TMCO5A: variants seen among roughly 807,000 people sequenced by gnomAD.
TMCO5A encodes the protein transmembrane and coiled-coil domain-containing protein 5A.
Under a neutral mutation model 42.3 loss-of-function variants are expected in TMCO5A, and 34 were observed. The observed-to-expected ratio is 0.80, with a 90% confidence interval of 0.61 to 1.07. The LOEUF is 1.07. Among genes scored for constraint, TMCO5A ranks in the 50% least tolerant of loss-of-function variants. TMCO5A has a pLI of 0.00. For missense variants in TMCO5A, 357 were observed against 327.9 expected (o/e 1.09, Z -0.69); for synonymous variants, 131 against 115.6 (o/e 1.13, Z -0.86).
chr15:38,014,296 C>T, the TMCO5A span, among the ~76,000 whole-genome samples: 7 of 152,034 alleles, frequency 4.6e-5, no homozygotes, highest in Non-Finnish European at 1.0e-4. Flanking sequence ...GCTTCGTGTA[C>T]ATTTTGTCAT....
the TMCO5A span, among the ~76,000 whole-genome samples, chr15:38,023,141 G>GTAAACAA: frequency 6.6e-6 from 1 of 152,258 alleles, no homozygotes; most frequent in East Asian, 1.9e-4. Context: ...TACATCTCAA[G>GTAAACAA]CTTTACAACA....
the TMCO5A span, among the ~76,000 whole-genome samples, chr15:38,031,607 T>C: frequency 6.6e-6 from 1 of 152,136 alleles, no homozygotes; most frequent in Non-Finnish European, 1.5e-5. Context: ...CCAACAGTCA[T>C]ACACCGGCAC....
the TMCO5A span, among the ~76,000 whole-genome samples, chr15:37,976,592 T>A: frequency 6.6e-6 from 1 of 152,090 alleles, no homozygotes; most frequent in African/African-American, 2.4e-5. Flanking sequence ...ATCTCAGAAG[T>A]TTTGTCAATT....
the TMCO5A span, among the ~76,000 whole-genome samples, chr15:37,986,400 TG>T: frequency 6.6e-6 from 1 of 150,768 alleles, no homozygotes; most frequent in Non-Finnish European, 1.5e-5. Flanking sequence ...TGTGTGTGTG[TG>T]TGTGTGTGTG....
the TMCO5A span, among the ~76,000 whole-genome samples, chr15:37,974,165 A>G: frequency 7.9e-5 from 12 of 151,852 alleles, no homozygotes; most frequent in Admixed American, 6.6e-5. Flanking sequence ...TTGTTTGCTG[A>G]TATTTTGTTG....
the TMCO5A span, among the ~76,000 whole-genome samples, chr15:38,035,742 C>A: frequency 6.6e-6 from 1 of 152,170 alleles, no homozygotes; most frequent in Admixed American, 6.5e-5. Flanking sequence ...TGTTAACCCC[C>A]TCAAAGTTTA....
At chr15:37,966,239 A>C (rs1489564205) in intron 11 of TMCO5A, among the ~76,000 whole-genome samples, 2 of 151,906 alleles carry the variant, frequency 1.3e-5, no homozygotes, top group African/African-American at 4.8e-5. Context: ...AATAATGGTT[A>C]CCAGAGGTTG....
At chr15:38,001,124 G>A in the TMCO5A span, among the ~76,000 whole-genome samples, 3 of 151,998 alleles carry the variant, frequency 2.0e-5, no homozygotes, top group Admixed American at 2.0e-4. Flanking sequence ...TTATTGTATT[G>A]GGGTCTATCT....
the TMCO5A span, among the ~76,000 whole-genome samples, chr15:38,020,955 A>G: frequency 3.3e-5 from 5 of 152,308 alleles, no homozygotes; most frequent in East Asian, 5.8e-4. Flanking sequence ...TAATGTATTC[A>G]TGTTGTTTAC....
At chr15:38,037,053 A>C in the TMCO5A span, among the ~76,000 whole-genome samples, 1 of 152,248 alleles carries the variant, frequency 6.6e-6, no homozygotes, top group Admixed American at 6.5e-5. Context: ...AGTGCTGAAC[A>C]GAGTCAAAGT....
rs1483402075 is a variant in TMCO5A, at chr15:37,934,683, C to T, written c.-114C>T. On this transcript the variant is annotated 5_prime_UTR_variant, in exon 1 of 12. Coordinates refer to ENST00000319669, the MANE Select transcript of TMCO5A (RefSeq NM_152453.4). ...GAAGGATCAGGAAGACAAGACACAT[C>T]AAAAAGGGGAGGTAGAGTTTGTAGA... 6 of 151,504 alleles carry T rather than the reference C, an allele frequency of 4.0e-5. No homozygotes were observed. Among genetic ancestry groups the T allele is most frequent in the Admixed American group, 3.9e-4 (6 of 15,192 alleles). The allele number at this position is 151,504 out of a possible 1,614,324, so 9.4% of individuals were successfully genotyped here.
At chr15:37,963,871 C>A (rs1595610092) in intron 11 of TMCO5A, among the ~76,000 whole-genome samples, 1 of 152,256 alleles carries the variant, frequency 6.6e-6, no homozygotes, top group Middle Eastern at 3.4e-3. Context: ...AGAATAGCTA[C>A]CTCTTCCTTG....
At chr15:37,940,519 C>T (rs1889695116) in intron 6 of TMCO5A, among the ~76,000 whole-genome samples, 1 of 152,182 alleles carries the variant, frequency 6.6e-6, no homozygotes, top group African/African-American at 2.4e-5. Flanking sequence ...TCCTCTCACA[C>T]CACCACTACC....
At chr15:37,993,913 C>G in the TMCO5A span, among the ~76,000 whole-genome samples, 1 of 152,158 alleles carries the variant, frequency 6.6e-6, no homozygotes, top group Non-Finnish European at 1.5e-5. Context: ...AAACTTTCCC[C>G]TGGAAGTTGT....
chr15:37,951,310 G>A lies in TMCO5A; in HGVS notation c.*76G>A. ...GTAGAAGGGAGGCATGAAACTTGTG[G>A]AGGAAAGAGATTTGCTTCAGTTTTT... On this transcript the variant is annotated 3_prime_UTR_variant, in exon 12 of 12. Coordinates refer to ENST00000319669, the MANE Select transcript of TMCO5A (RefSeq NM_152453.4). 7.0e-7 allele frequency: 1 copy of A among 1,432,068 alleles called. No individual in the cohort carries two copies. The highest frequency in any genetic ancestry group is 9.7e-7 in the Non-Finnish European group (1 of 1,034,600). The allele number at this position is 1,432,068 out of a possible 1,614,324, so 88.7% of individuals were successfully genotyped here. A position where few individuals can be genotyped will look rare whatever the true frequency, so the allele number is the denominator to read the frequency against.
the TMCO5A span, among the ~76,000 whole-genome samples, chr15:38,025,850 C>T: frequency 6.6e-6 from 1 of 152,180 alleles, no homozygotes; most frequent in South Asian, 2.1e-4. Context: ...ATACTGTTCT[C>T]AGGGTAGTGA....
chr15:38,027,527 A>T, the TMCO5A span, among the ~76,000 whole-genome samples: 14 of 152,220 alleles, frequency 9.2e-5, 1 homozygote, highest in South Asian at 2.5e-3. Context: ...ATCTCAGATG[A>T]GACTTTGGAC....
the TMCO5A span, among the ~76,000 whole-genome samples, chr15:38,028,370 G>A: frequency 1.3e-5 from 2 of 152,294 alleles, no homozygotes; most frequent in East Asian, 3.9e-4. Context: ...AACAGACTGT[G>A]CAAGTGACCT....
the TMCO5A span, among the ~76,000 whole-genome samples, chr15:38,003,254 T>TCTCTCTCTCTCTCTCTCTCTCTCTCCC: frequency 6.6e-6 from 1 of 150,796 alleles, no homozygotes; most frequent in African/African-American, 2.5e-5. Flanking sequence ...CTCTGTCTCC[T>TCTCTCTCTCTCTCTCTCTCTCTCTCCC]CCCATCACTC....
Sources: allele counts gnomAD v4.1 joint callset (sites outside exome capture counted in the v4.1 genomes callset), GRCh38; gene constraint gnomAD v4.1.1; transcripts MANE v1.5; gene names NCBI Gene and HGNC (gene_info 2026-07-23, HGNC 2026-07-21).